The following LRRN4 variants were observed in gnomAD, a reference collection of about 807,000 sequenced individuals.
The protein encoded by LRRN4 is leucine rich repeat neuronal 4, also known as leucine-rich repeat neuronal protein 4.
Under a neutral mutation model 22.3 loss-of-function variants are expected in LRRN4, and 26 were observed. The ratio of observed to expected loss-of-function variants is 1.16; its 90% confidence interval spans 0.85 to 1.62. The LOEUF (loss-of-function observed/expected upper bound fraction) is 1.62, where lower values mean the gene tolerates loss of function less well. LRRN4 is among the 40% of genes most tolerant of loss of function. The probability of loss-of-function intolerance (pLI) is 0.00; values close to 1 mark genes in which losing one functional copy is unlikely to be tolerated. For synonymous variants in LRRN4, 496 were observed against 486.2 expected, an observed-to-expected ratio of 1.02 and a Z score of -0.26; for missense variants, 1,070 against 1,008.5, an observed-to-expected ratio of 1.06 and a Z score of -0.83.
In LRRN4 at chr20:6,052,126, G is replaced by C; in HGVS notation, c.655+19C>G. ...CTCTGCGCTCAGGCCGGCTGAAAAC[G>C]CGGGGCGCCCGGACTCACCCCGTTC... On this transcript the variant is annotated intron_variant, in intron 2 of 4. Transcript: ENST00000378858. The C allele has an allele frequency of 6.3e-7, 1 of 1,575,934 alleles. No individual in the cohort carries two copies. The highest frequency in any genetic ancestry group is 1.2e-5 in the South Asian group (1 of 86,048).
In LRRN4 at chr20:6,052,684, C is replaced by T. The variant is rs1981292486; in HGVS notation, c.116G>A (p.Ser39Asn). 6.3e-7 allele frequency: 1 copy of T among 1,574,994 alleles called. No individual in the cohort carries two copies. Among genetic ancestry groups the T allele is most frequent in the Non-Finnish European group, 8.6e-7 (1 of 1,168,132 alleles). Residue 39 changes from serine to asparagine, a missense_variant, in exon 2 of 5, where the codon AGT (serine) becomes AAT (asparagine). Transcript: ENST00000378858. ...RVTQQGPWGS[S>N]GSNATDSPCE... ...GGGCGAGTCGGTGGCGTTGCTGCCA[C>T]TGCTCCCCCAGGGGCCCTGCTGAGT... is the stretch of plus-strand genomic sequence containing the variant.
At chr20:6,050,727 G>A (rs377635329) in intron 3 of LRRN4, 52 bp downstream of exon 3, 105 of 1,542,916 alleles carry the variant, frequency 6.8e-5, no homozygotes, top group Non-Finnish European at 8.9e-5. Context: ...TCAACATAGC[G>A]TAATGGGCAA....
chr20:6,042,775 C>T (rs928902478), intron 4 of LRRN4, among the ~76,000 whole-genome samples: 3 of 151,880 alleles, frequency 2.0e-5, no homozygotes, highest in South Asian at 2.1e-4. Context: ...AAAAATTAGC[C>T]GGGCATGGTG....
chr20:6,041,856 G>C lies in LRRN4; in HGVS notation c.1389C>G (p.Pro463=). The part of the protein sequence containing the change: ...TRTQHRGEHA[P]ELVLEPDISA... ...AGATATCAGGCTCAAGGACAAGCTC[G>C]GGGGCATGTTCTCCTCGGTGCTGGG... The change falls in exon 5 of 5, where the codon CCC becomes CCG. Residue 463 remains proline, a synonymous_variant. Transcript: ENST00000378858. The surrounding 1 kb of genome is among the most constrained non-coding windows in gnomAD (Gnocchi z 9.4). 2.5e-6 allele frequency: 4 copies of C among 1,614,174 alleles called. No individual in the cohort carries two copies. Among genetic ancestry groups the C allele is most frequent in the Non-Finnish European group, 3.4e-6 (4 of 1,180,006 alleles).
At position 6,050,821 on chromosome 20, in the gene LRRN4, A is replaced by T. The variant is rs957150978; in HGVS notation, c.818T>A (p.Ile273Asn). 2 of 1,613,758 alleles carry T rather than the reference A, an allele frequency of 1.2e-6. No individual in the cohort carries two copies. The highest frequency in any genetic ancestry group is 1.7e-5 in the Admixed American group (1 of 59,844). Reference protein sequence around the residue: ...SPALASVATHIFQDTPHLQVL... With the variant: ...SPALASVATHNFQDTPHLQVL... ...CTGTAGATGTGGAGTATCTTGAAAG[A>T]TGTGTGTGGCGACAGAAGCAAGTGC... Residue 273 changes from isoleucine (I) to asparagine (N), a missense_variant, in exon 3 of 5, where the codon ATC becomes AAC. Coordinates refer to ENST00000378858, the MANE Select transcript of LRRN4 (RefSeq NM_152611.5).
chr20:6,052,476 G>A lies in LRRN4; in HGVS notation c.324C>T (p.His108=), dbSNP rs934370647. The A allele has an allele frequency of 1.3e-6, 2 of 1,569,472 alleles. No homozygotes were observed. Among genetic ancestry groups the A allele is most frequent in the African/African-American group, 1.4e-5 (1 of 73,962 alleles). ...CCCAGCGCAGCGCGGCGATGCGGTT[G>A]TGGCGCAGGGTCAGCACCTGCAGCT... is the stretch of plus-strand genomic sequence containing the variant. The part of the protein sequence containing the change: ...LEQLQVLTLR[H]NRIAALRWGP... Residue 108 remains histidine (H), a synonymous_variant, in exon 2 of 5, where the codon CAC becomes CAT. Transcript: ENST00000378858.
rs114148682 is a variant in LRRN4, at chr20:6,040,762, C to T, written c.*260G>A. On this transcript the variant is annotated 3_prime_UTR_variant, in exon 5 of 5. Coordinates refer to ENST00000378858, the MANE Select transcript of LRRN4 (RefSeq NM_152611.5). ...GAAAACCGCAAATGAACCAACAACA[C>T]ACAAGAAGGCCTGGCGGCAGTGGGG... is the stretch of plus-strand genomic sequence containing the variant. The T allele has an allele frequency of 1.9e-6, 1 of 530,162 alleles. No homozygotes were observed. The highest frequency in any genetic ancestry group is 1.9e-5 in the African/African-American group (1 of 51,680). The allele number at this position is 530,162 out of a possible 1,614,324, so 32.8% of individuals were successfully genotyped here.
intron 2 of LRRN4, 99 bp from the exon 3 acceptor site, chr20:6,051,082 G>A: frequency 9.8e-7 from 1 of 1,019,734 alleles, no homozygotes; most frequent in African/African-American, 1.6e-5. Context: ...GGTGAATGGT[G>A]AAGGTCATCG....
chr20:6,047,888 G>A (rs910332311), intron 3 of LRRN4, among the ~76,000 whole-genome samples: 1 of 152,090 alleles, frequency 6.6e-6, no homozygotes, highest in Non-Finnish European at 1.5e-5. Flanking sequence ...AATGGGGCCT[G>A]TGAAGATGGA....
Position 6,052,743 on chromosome 20 carries a change from G to T in LRRN4, c.57C>A (p.Asp19Glu). 1 of 1,572,824 alleles carries T rather than the reference G, an allele frequency of 6.4e-7. No homozygotes were observed. The highest frequency in any genetic ancestry group is 8.6e-7 in the Non-Finnish European group (1 of 1,167,062). Residue 19 changes from aspartate (D) to glutamate (E), a missense_variant, in exon 2 of 5, where the codon GAC (aspartate) becomes GAA (glutamate). Physicochemically the swap from Asp to Glu is conservative, Grantham distance 45 (BLOSUM62 2). Transcript: ENST00000378858. ...LLTVLRPSWA[D>E]PPQEKVPLFR... ...AGAGCGGGACCTTCTCCTGGGGAGGGTCTGCCCAGCTGGGGCGCAGCACCG... is the reference window on the plus strand; with the variant it reads ...AGAGCGGGACCTTCTCCTGGGGAGGTTCTGCCCAGCTGGGGCGCAGCACCG...
intron 3 of LRRN4, among the ~76,000 whole-genome samples, chr20:6,046,466 CAG>C (rs1450622687): frequency 6.7e-6 from 1 of 148,596 alleles, no homozygotes; most frequent in Non-Finnish European, 1.5e-5. Context: ...CTTTCTCACC[CAG>C]AGTCTCACAG....
intron 4 of LRRN4, among the ~76,000 whole-genome samples, chr20:6,042,744 C>T (rs113813244): frequency 0.097 from 14,649 of 151,782 alleles, 871 homozygotes; most frequent in Middle Eastern, 0.21. Flanking sequence ...GACGGTGAAA[C>T]CCCCTCCCTA....
At chr20:6,052,041 C>A (rs995164484) in intron 2 of LRRN4, 104 bp downstream of exon 2, 2 of 1,385,260 alleles carry the variant, frequency 1.4e-6, no homozygotes, top group South Asian at 3.0e-5. Context: ...GAGCTGGGCA[C>A]CCGGGTCACC....
rs1710092009 is a variant in LRRN4, at chr20:6,040,682, T to A, written c.*340A>T. 4.0e-6 allele frequency: 1 copy of A among 251,044 alleles called. No homozygotes were observed. The highest frequency in any genetic ancestry group is 5.1e-5 in the Admixed American group (1 of 19,796). The allele number at this position is 251,044 out of a possible 1,614,324, so 15.6% of individuals were successfully genotyped here. On this transcript the variant is annotated 3_prime_UTR_variant, in exon 5 of 5. Transcript: ENST00000378858. Reference sequence around the variant, plus strand: ...GGCTGGGTTATGCAACTTCTCTGTTTCATCCCTTCCTACGTCCATACACTA... The same window carrying A: ...GGCTGGGTTATGCAACTTCTCTGTTACATCCCTTCCTACGTCCATACACTA...
chr20:6,042,712 A>G (rs975848066), intron 4 of LRRN4, among the ~76,000 whole-genome samples: 2 of 152,082 alleles, frequency 1.3e-5, no homozygotes, highest in African/African-American at 4.8e-5. Flanking sequence ...CAAGGTCAGG[A>G]GGTCAAGACC....
In LRRN4 at chr20:6,041,303, G is replaced by A. The variant is rs996185716; in HGVS notation, c.1942C>T (p.Arg648Cys). The change falls in exon 5 of 5, where the codon CGC (arginine) becomes TGC (cysteine). Residue 648 changes from arginine to cysteine, a missense_variant. Coordinates refer to ENST00000378858, the MANE Select transcript of LRRN4 (RefSeq NM_152611.5). The surrounding 1 kb of genome is among the most constrained non-coding windows in gnomAD (Gnocchi z 9.4). ...CTGTTGGCCGCCAGCACGCACACGC[G>A]GTAGGTGGTGCCCGGCGACAGCCCG... is the stretch of plus-strand genomic sequence containing the variant. Reference protein sequence around the residue: ...LYGLSPGTTYRVCVLAANRAG... With the variant: ...LYGLSPGTTYCVCVLAANRAG... The A allele has an allele frequency of 1.9e-6, 3 of 1,596,368 alleles. No individual in the cohort carries two copies. The highest frequency in any genetic ancestry group is 2.7e-5 in the African/African-American group (2 of 74,794).
intron 4 of LRRN4, among the ~76,000 whole-genome samples, chr20:6,043,339 C>T (rs969800278): frequency 5.3e-5 from 8 of 152,014 alleles, no homozygotes; most frequent in African/African-American, 1.9e-4. Flanking sequence ...TGCTTGAGCC[C>T]AGTAGTCTGA....
intron 2 of LRRN4, among the ~76,000 whole-genome samples, chr20:6,051,525 T>C (rs1380449745): frequency 6.6e-6 from 1 of 152,136 alleles, no homozygotes; most frequent in African/African-American, 2.4e-5. Context: ...TGTAGACACG[T>C]GAAGTGTTTT....
rs1980974087 is a variant in LRRN4, at chr20:6,042,006, G to A, written c.1239C>T (p.Gly413=). ...QQSVSKAPNV[G]SRTIAAWPHS... is the part of the protein sequence containing the mutation. ...GCGGCCATGCAGCTATCGTGCGAGA[G>A]CCCACGTTAGGGGCCTTGGAGACAC... The change falls in exon 5 of 5, where the codon GGC becomes GGT. Residue 413 remains glycine, a synonymous_variant. Coordinates refer to ENST00000378858, the MANE Select transcript of LRRN4 (RefSeq NM_152611.5). 2.5e-6 allele frequency: 4 copies of A among 1,613,886 alleles called. No homozygotes were observed. In the African/African-American group the frequency reaches 5.3e-5, roughly 22 times the overall value.
Sources: allele counts gnomAD v4.1 joint callset (sites outside exome capture counted in the v4.1 genomes callset), GRCh38; gene constraint gnomAD v4.1.1; non-coding constraint Gnocchi (gnomAD v3.1); transcripts MANE v1.5; gene names NCBI Gene and HGNC (gene_info 2026-07-23, HGNC 2026-07-21).